Variants in TNR observed in about 807,000 individuals in gnomAD.
TNR encodes tenascin-R.
TNR carries 45 observed loss-of-function variants against 150.4 expected under a neutral mutation model. The ratio of observed to expected loss-of-function variants is 0.30; its 90% CI spans 0.24 to 0.38. The LOEUF (loss-of-function observed/expected upper bound fraction) is 0.38, where lower values mean the gene tolerates loss of function less well. Ranked by LOEUF, TNR falls within the 10% of genes least tolerant of loss-of-function variation. The pLI is 1.00. For synonymous variants in TNR, 687 were observed against 678.4 expected, an observed-to-expected ratio of 1.01 and a Z score of -0.20; for missense variants, 1,544 against 1,759.1, an observed-to-expected ratio of 0.88 and a Z score of 2.19.
chr1:175,676,513 C>T (rs1665870239), intron 1 of TNR, among the ~76,000 whole-genome samples: 2 of 152,078 alleles, frequency 1.3e-5, no homozygotes, highest in Admixed American at 1.3e-4. Context: ...AGAGTTGGGA[C>T]AGCTGGCAGA....
At chr1:175,624,401 C>G (rs1664079107) in intron 1 of TNR, among the ~76,000 whole-genome samples, 1 of 152,016 alleles carries the variant, frequency 6.6e-6, no homozygotes. Flanking sequence ...TTAGGTCACA[C>G]TGAAGTACAG....
intron 12 of TNR, 93 bp downstream of exon 12, chr1:175,364,917 C>A: frequency 6.9e-7 from 1 of 1,458,194 alleles, no homozygotes; most frequent in East Asian, 2.3e-5. Flanking sequence ...ATCCCCTACT[C>A]CTTGGGTCTT....
chr1:175,692,322 C>A (rs1666392887), intron 1 of TNR, among the ~76,000 whole-genome samples: 1 of 152,228 alleles, frequency 6.6e-6, no homozygotes, highest in Non-Finnish European at 1.5e-5. Flanking sequence ...TGCAGCTAGA[C>A]ATGGCCCTGG....
At chr1:175,679,193 C>T (rs980228239) in intron 1 of TNR, among the ~76,000 whole-genome samples, 1 of 152,240 alleles carries the variant, frequency 6.6e-6, no homozygotes, top group African/African-American at 2.4e-5. Context: ...GCTTGGATGG[C>T]CCTAGCGGGT....
intron 18 of TNR, among the ~76,000 whole-genome samples, chr1:175,350,385 G>T (rs1650999055): frequency 6.6e-6 from 1 of 152,202 alleles, no homozygotes; most frequent in African/African-American, 2.4e-5. Context: ...TATTAAAAGA[G>T]ACAATGAAAC....
At chr1:175,618,974 A>G (rs1372986118) in intron 1 of TNR, among the ~76,000 whole-genome samples, 4 of 152,184 alleles carry the variant, frequency 2.6e-5, no homozygotes, top group African/African-American at 7.2e-5. Flanking sequence ...TCATTAGGGC[A>G]CAGCTGTGCC....
At chr1:175,480,419 A>AGAAAGAAAGAAAGAAAGAAAGAAAG (rs373622666) in intron 2 of TNR, among the ~76,000 whole-genome samples, 3 of 110,934 alleles carry the variant, frequency 2.7e-5, no homozygotes, top group African/African-American at 8.5e-5. Context: ...AAAGAAAGAA[A>AGAAAGAAAGAAAGAAAGAAAGAAAG]AAAGAAAGAA....
At chr1:175,371,172 C>G (rs1437801337) in intron 9 of TNR, among the ~76,000 whole-genome samples, 1 of 152,168 alleles carries the variant, frequency 6.6e-6, no homozygotes, top group Non-Finnish European at 1.5e-5. Flanking sequence ...CCCCATTGCT[C>G]TCTATCAATG....
At chr1:175,632,854 A>G (rs1664374096) in intron 1 of TNR, among the ~76,000 whole-genome samples, 1 of 152,206 alleles carries the variant, frequency 6.6e-6, no homozygotes, top group South Asian at 2.1e-4. Context: ...ACTCAAATCC[A>G]GAACCTCAAC....
chr1:175,354,605 C>A (rs997897414), intron 17 of TNR, 82 bp from the exon 18 acceptor site: 25 of 1,580,160 alleles, frequency 1.6e-5, no homozygotes, highest in Non-Finnish European at 2.2e-5. Context: ...AAGTCCAAAT[C>A]CCATGGGCAG....
In TNR at chr1:175,337,562, T is replaced by C. The variant is rs936999955; in HGVS notation, c.3500A>G (p.Tyr1167Cys). 1.9e-6 allele frequency: 3 copies of C among 1,613,782 alleles called. No individual in the cohort carries two copies. The highest frequency in any genetic ancestry group is 2.5e-6 in the Non-Finnish European group (3 of 1,180,026). ...NGELSQKLQV[Y>C]CDMTTDGGGW... ...GCCCCCGTCGGTGGTCATATCACAG[T>C]ACACTTGTAATTTCTGGCTCAGCTC... The change falls in exon 19 of 23, where the codon TAC (tyrosine) becomes TGC (cysteine). Residue 1167 changes from tyrosine (Y) to cysteine (C), a missense_variant. Physicochemically the swap from Tyr to Cys is radical, Grantham distance 194 (BLOSUM62 -2). This residue lies in a region of TNR where 290 missense variants were observed against 429.7 expected (regional missense o/e 0.67). Transcript: ENST00000367674.
rs1359188415 is a variant in TNR at position 175,322,846 on chromosome 1, G to T, written c.*511C>A. On this transcript the variant is annotated 3_prime_UTR_variant, in exon 23 of 23. Transcript: ENST00000367674. ...GGAGGAAGGAAGGAAGGAAGGAAAA[G>T]AACCTGGGTTGTTGGGATGCGGTGT... The T allele has an allele frequency of 2.7e-5, 4 of 150,014 alleles. No individual in the cohort carries two copies. Among genetic ancestry groups the T allele is most frequent in the Non-Finnish European group, 6.0e-5 (4 of 66,994 alleles). The allele number at this position is 150,014 out of a possible 1,614,324, so 9.3% of individuals were successfully genotyped here. A position where few individuals can be genotyped will look rare whatever the true frequency, so the allele number is the denominator to read the frequency against.
rs542696181 is a variant in TNR, at chr1:175,728,043, A to G, written c.-165+15183T>C. The stretch of plus-strand genomic sequence containing the variant: ...CACAACTATCTATTTTTCTCTGGCA[A>G]TGTATAGTTGTTCAGACATAAGTGT... On this transcript the variant is annotated intron_variant, in intron 1 of 22. Transcript: ENST00000367674. 1.8e-3 allele frequency among the ~76,000 whole-genome samples: 274 copies of G among 152,346 alleles called. 1 individual carries two copies. The highest frequency in any genetic ancestry group is 5.8e-3 in the African/African-American group (241 of 41,584).
At chr1:175,469,427 A>T (rs1435340011) in intron 2 of TNR, among the ~76,000 whole-genome samples, 1 of 152,158 alleles carries the variant, frequency 6.6e-6, no homozygotes, top group East Asian at 1.9e-4. Context: ...ATGGGTAATT[A>T]ATGGTGTGTA....
intron 2 of TNR, among the ~76,000 whole-genome samples, chr1:175,501,465 G>A (rs1333910664): frequency 1.3e-5 from 2 of 152,222 alleles, no homozygotes; most frequent in Admixed American, 6.5e-5. Context: ...TGAGTTCCAA[G>A]TGAGAAACTG....
intron 1 of TNR, among the ~76,000 whole-genome samples, chr1:175,683,146 C>T (rs1197683385): frequency 6.6e-6 from 1 of 152,060 alleles, no homozygotes; most frequent in Non-Finnish European, 1.5e-5. Context: ...TCAAAAGATC[C>T]CAAGGAGGAT....
intron 1 of TNR, among the ~76,000 whole-genome samples, chr1:175,635,891 T>C (rs1664477169): frequency 6.6e-6 from 1 of 152,048 alleles, no homozygotes; most frequent in African/African-American, 2.4e-5. Flanking sequence ...AAAATCCATT[T>C]CAATTCAAGA....
chr1:175,655,239 T>C (rs1665136753), intron 1 of TNR, among the ~76,000 whole-genome samples: 1 of 152,196 alleles, frequency 6.6e-6, no homozygotes, highest in African/African-American at 2.4e-5. Flanking sequence ...AAATAAAAAA[T>C]ACAATTCAGC....
intron 4 of TNR, among the ~76,000 whole-genome samples, chr1:175,398,739 C>T (rs1161151122): frequency 6.6e-6 from 1 of 152,212 alleles, no homozygotes; most frequent in Non-Finnish European, 1.5e-5. Flanking sequence ...GATTAGAATG[C>T]AGGCAGAATG....
Sources: allele counts gnomAD v4.1 joint callset (sites outside exome capture counted in the v4.1 genomes callset), GRCh38; gene constraint gnomAD v4.1.1; regional missense constraint gnomAD v4.1.1; transcripts MANE v1.5; gene names NCBI Gene and HGNC (gene_info 2026-07-23, HGNC 2026-07-21).